Variants in CFAP53 observed in about 807,000 individuals in gnomAD.
CFAP53 encodes cilia and flagella associated protein 53, also known as cilia- and flagella-associated protein 53.
Under a neutral mutation model 59.7 loss-of-function variants are expected in CFAP53, and 62 were observed. That is an observed-to-expected ratio of 1.04 (90% confidence interval 0.85 to 1.28). The LOEUF is 1.28. Ranked by LOEUF, CFAP53 falls within the 50% of genes most tolerant of loss-of-function variation. The pLI, the probability that CFAP53 is intolerant of heterozygous loss-of-function variation, is 0.00. For synonymous variants in CFAP53, 218 were observed against 205.7 expected, an observed-to-expected ratio of 1.06 and a Z score of -0.51; for missense variants, 629 against 615.6, an observed-to-expected ratio of 1.02 and a Z score of -0.23.
Position 50,261,185 on chromosome 18 carries a change from A to G in CFAP53, c.352T>C (p.Leu118=), listed in dbSNP as rs1477717015. Reference sequence around the variant, plus strand: ...TTCTCCTCAATGGTTTCTTTCTTCAATTGCATTTCTGTAAAATACTCATTT... The same window carrying G: ...TTCTCCTCAATGGTTTCTTTCTTCAGTTGCATTTCTGTAAAATACTCATTT... ...EENEYFTEMQ[L]KKETIEEKKD... Residue 118 remains leucine, a synonymous_variant, in exon 3 of 8, where the codon TTG becomes CTG. Coordinates refer to ENST00000398545, the MANE Select transcript of CFAP53 (RefSeq NM_145020.5). 1.9e-6 allele frequency: 3 copies of G among 1,583,686 alleles called. No homozygotes were observed. The highest frequency in any genetic ancestry group is 2.6e-6 in the Non-Finnish European group (3 of 1,171,932).
chr18:50,259,762 C>T (rs952252470), intron 3 of CFAP53, among the ~76,000 whole-genome samples: 7 of 152,018 alleles, frequency 4.6e-5, no homozygotes, highest in African/African-American at 1.7e-4. Flanking sequence ...GAAATAAGGT[C>T]CCACTATGTT....
chr18:50,257,305 CA>C (rs1171128383), intron 3 of CFAP53, among the ~76,000 whole-genome samples: 1 of 152,070 alleles, frequency 6.6e-6, no homozygotes, highest in African/African-American at 2.4e-5. Flanking sequence ...AATGGGCATC[CA>C]AATTTCAAAG....
At chr18:50,263,232 C>CA (rs1232802556) in intron 1 of CFAP53, among the ~76,000 whole-genome samples, 1 of 152,136 alleles carries the variant, frequency 6.6e-6, no homozygotes, top group Non-Finnish European at 1.5e-5. Context: ...TTTGTATTTT[C>CA]AGGAACAGTT....
At chr18:50,248,078 C>A (rs2033761789) in intron 5 of CFAP53, among the ~76,000 whole-genome samples, 1 of 151,280 alleles carries the variant, frequency 6.6e-6, no homozygotes, top group South Asian at 2.1e-4. Context: ...TATGATCATG[C>A]CACTGTACTC....
chr18:50,239,053 ATTT>A (rs2033663681), intron 6 of CFAP53, among the ~76,000 whole-genome samples: 1 of 148,232 alleles, frequency 6.7e-6, no homozygotes, highest in African/African-American at 2.4e-5. Context: ...ATAATTTATT[ATTT>A]ATTATATATT....
chr18:50,234,875 T>C (rs1459778894), intron 7 of CFAP53, among the ~76,000 whole-genome samples: 1 of 152,250 alleles, frequency 6.6e-6, no homozygotes, highest in East Asian at 1.9e-4. Context: ...CTGTTGCCCA[T>C]GCAGTCTTTT....
At chr18:50,234,209 A>G (rs974043356) in intron 7 of CFAP53, among the ~76,000 whole-genome samples, 1 of 152,234 alleles carries the variant, frequency 6.6e-6, no homozygotes, top group African/African-American at 2.4e-5. Context: ...GTGGGGAAAC[A>G]ACAAAGTTAA....
At chr18:50,237,304 CAAAAA>C (rs143356494) in intron 7 of CFAP53, among the ~76,000 whole-genome samples, 2 of 9,336 alleles carry the variant, frequency 2.1e-4, no homozygotes, top group Non-Finnish European at 5.2e-4. Context: ...GACTCCATCT[CAAAAA>C]AAAAAAAAAA....
At chr18:50,253,323 C>T (rs1025787608) in intron 3 of CFAP53, among the ~76,000 whole-genome samples, 1 of 152,064 alleles carries the variant, frequency 6.6e-6, no homozygotes, top group Non-Finnish European at 1.5e-5. Flanking sequence ...GCCGTAAGAC[C>T]CAGTTTCTAA....
intron 5 of CFAP53, 48 bp downstream of exon 5, chr18:50,250,710 G>A: frequency 6.9e-7 from 1 of 1,457,682 alleles, no homozygotes; most frequent in Middle Eastern, 1.8e-4. Flanking sequence ...TGAGAACTCA[G>A]TAAGGAATCC....
intron 3 of CFAP53, among the ~76,000 whole-genome samples, chr18:50,260,730 A>G (rs1291279938): frequency 1.3e-5 from 2 of 152,184 alleles, no homozygotes; most frequent in African/African-American, 4.8e-5. Flanking sequence ...AGACTACAGC[A>G]GCAGGGGGAA....
chr18:50,234,631 C>A (rs1000196224), intron 7 of CFAP53, among the ~76,000 whole-genome samples: 10 of 152,136 alleles, frequency 6.6e-5, no homozygotes, highest in Admixed American at 6.5e-4. Context: ...TCCAGCCTTG[C>A]CTATTAAATG....
chr18:50,262,507 A>AC (rs1324773977), intron 1 of CFAP53, among the ~76,000 whole-genome samples: 18 of 152,318 alleles, frequency 1.2e-4, no homozygotes, highest in African/African-American at 4.3e-4. Context: ...CTCTGTTGAG[A>AC]TTGTCTAGTC....
intron 5 of CFAP53, among the ~76,000 whole-genome samples, chr18:50,250,520 TG>T (rs1302199124): frequency 6.6e-6 from 1 of 152,164 alleles, no homozygotes; most frequent in African/African-American, 2.4e-5. Context: ...CAGAATCACC[TG>T]GGGGAGTGTG....
chr18:50,236,358 C>T (rs902058436), intron 7 of CFAP53, among the ~76,000 whole-genome samples: 20 of 152,180 alleles, frequency 1.3e-4, no homozygotes, highest in African/African-American at 4.8e-4. Context: ...CCCATGCCAC[C>T]AGCCTAGTTA....
At chr18:50,265,434 C>A (rs1448520097) in intron 1 of CFAP53, among the ~76,000 whole-genome samples, 9 of 149,384 alleles carry the variant, frequency 6.0e-5, no homozygotes, top group Non-Finnish European at 4.5e-5. Context: ...TTCCAAAATC[C>A]AAAAAAAAAA....
rs562710108 is a variant in CFAP53 at position 50,231,037 on chromosome 18, C to T, written c.1317-3428G>A. On this transcript the variant is annotated intron_variant, in intron 7 of 7. Transcript: ENST00000398545. ...GTCTGCCTTTGTTCATGGCCCAGGA[C>T]ATACAGCCCTCCTGTGCAGATAACA... is the stretch of plus-strand genomic sequence containing the variant. Among the ~76,000 whole-genome samples the T allele has an allele frequency of 1.6e-4, 25 of 152,294 alleles. 1 individual carries two copies. In the South Asian group the frequency reaches 4.1e-3, roughly 25 times the overall value.
chr18:50,247,152 CAAA>C (rs543336551), intron 5 of CFAP53, among the ~76,000 whole-genome samples: 84 of 152,036 alleles, frequency 5.5e-4, no homozygotes, highest in Middle Eastern at 6.8e-3. Flanking sequence ...GAATAGCCTT[CAAA>C]TAGACTTCTC....
At chr18:50,231,326 C>A (rs1308016552) in intron 7 of CFAP53, among the ~76,000 whole-genome samples, 1 of 152,160 alleles carries the variant, frequency 6.6e-6, no homozygotes, top group Non-Finnish European at 1.5e-5. Context: ...TTGGTAAATT[C>A]TTTTACCCCT....
Sources: gnomAD v4.1 joint callset for allele counts (sites outside exome capture counted in the v4.1 genomes callset) on GRCh38, gnomAD v4.1.1 for gene constraint, MANE v1.5 for transcripts, NCBI Gene and HGNC (gene_info 2026-07-23, HGNC 2026-07-21) for gene names.